The following WDFY4 variants were observed in gnomAD, a reference collection of about 807,000 sequenced individuals.
WDFY4 encodes WDFY family member 4, also known as WD repeat- and FYVE domain-containing protein 4.
WDFY4 carries 169 observed loss-of-function variants against 351.9 expected under a neutral mutation model. The ratio of observed to expected loss-of-function variants is 0.48; its 90% CI spans 0.42 to 0.55. The LOEUF (loss-of-function observed/expected upper bound fraction) is 0.55, where lower values mean the gene tolerates loss of function less well. WDFY4 is among the 20% of genes least tolerant of loss of function. The pLI, the probability that WDFY4 is intolerant of heterozygous loss-of-function variation, is 0.00. For synonymous variants in WDFY4, 1,622 were observed against 1,574.6 expected, an observed-to-expected ratio of 1.03 and a Z score of -0.71; for missense variants, 3,803 against 3,935.6, an observed-to-expected ratio of 0.97 and a Z score of 0.90.
At chr10:48,971,279 G>A (rs188236773) in intron 57 of WDFY4, among the ~76,000 whole-genome samples, 115 of 152,228 alleles carry the variant, frequency 7.6e-4, no homozygotes, top group African/African-American at 2.4e-3. Context: ...GGCGGATCAC[G>A]AGGTCAGGAG....
chr10:48,752,850 G>A (rs148395063), intron 12 of WDFY4, among the ~76,000 whole-genome samples: 2 of 152,256 alleles, frequency 1.3e-5, no homozygotes, highest in African/African-American at 4.8e-5. Flanking sequence ...TCATGTTCAT[G>A]TATTTATTTG....
At chr10:48,930,154 T>C (rs1564501252) in intron 47 of WDFY4, among the ~76,000 whole-genome samples, 1 of 152,192 alleles carries the variant, frequency 6.6e-6, no homozygotes, top group African/African-American at 2.4e-5. Flanking sequence ...TCAATCCTGA[T>C]TCCCATGCCC....
chr10:48,881,663 G>A (rs1317446270), intron 43 of WDFY4, among the ~76,000 whole-genome samples: 3 of 152,158 alleles, frequency 2.0e-5, no homozygotes, highest in Non-Finnish European at 2.9e-5. Context: ...AAAAATCCTC[G>A]AACCAGAGGA....
chr10:48,770,652 A>G (rs1440499177), intron 13 of WDFY4, among the ~76,000 whole-genome samples: 2 of 152,232 alleles, frequency 1.3e-5, no homozygotes, highest in African/African-American at 4.8e-5. Context: ...GCCTCAGAAA[A>G]AAGGCCTTGG....
rs1030087799 is a variant in WDFY4, at chr10:48,974,673, T to G, written c.8929-189T>G. ...CCTCCACCCCTGGAGATGAATGAAA[T>G]GGAGAGGCTAGTCATGGACACGCAC... On this transcript the variant is annotated intron_variant, in intron 57 of 61. Coordinates refer to ENST00000325239, the MANE Select transcript of WDFY4 (RefSeq NM_001394531.1). 2.6e-5 allele frequency among the ~76,000 whole-genome samples: 4 copies of G among 151,918 alleles called. No homozygotes were observed. In the East Asian group the frequency reaches 7.7e-4, roughly 29 times the overall value.
chr10:48,963,697 T>C (rs1466898751), intron 53 of WDFY4, 145 bp from the exon 54 acceptor site: 1 of 914,504 alleles, frequency 1.1e-6, no homozygotes. Flanking sequence ...CCTGCCTCTT[T>C]GTGCTCATCA....
chr10:48,795,510 T>TATATATATACATATATATATAC (rs1565207864), intron 23 of WDFY4, among the ~76,000 whole-genome samples: 4 of 101,454 alleles, frequency 3.9e-5, no homozygotes, highest in Non-Finnish European at 1.9e-5. Context: ...TATATATATA[T>TATATATATACATATATATATAC]ATATATATAT....
chr10:48,940,608 G>A (rs1237727090), intron 47 of WDFY4, among the ~76,000 whole-genome samples: 1 of 152,208 alleles, frequency 6.6e-6, no homozygotes, highest in Non-Finnish European at 1.5e-5. Context: ...GGGTCTGTAG[G>A]TACCTGAATA....
intron 43 of WDFY4, among the ~76,000 whole-genome samples, chr10:48,889,997 G>T (rs1428785426): frequency 1.3e-5 from 2 of 152,246 alleles, no homozygotes; most frequent in African/African-American, 2.4e-5. Context: ...CTGGAGAACT[G>T]CCAGCATTTC....
intron 12 of WDFY4, among the ~76,000 whole-genome samples, chr10:48,750,340 T>C (rs1414908648): frequency 1.3e-5 from 2 of 152,210 alleles, no homozygotes; most frequent in Admixed American, 1.3e-4. Flanking sequence ...GAGTCAGGCA[T>C]TGGGAGTGTG....
intron 24 of WDFY4, among the ~76,000 whole-genome samples, chr10:48,800,252 CCAGA>C (rs1419626338): frequency 1.3e-5 from 2 of 152,316 alleles, no homozygotes; most frequent in East Asian, 3.9e-4. Context: ...GCAGTAAAAA[CCAGA>C]CAGTTAAAAT....
At chr10:48,729,287 G>T (rs1239141430) in intron 7 of WDFY4, 145 bp from the exon 8 acceptor site, 4 of 1,189,162 alleles carry the variant, frequency 3.4e-6, no homozygotes, top group East Asian at 2.6e-5. Context: ...GCGCTCCCTT[G>T]CCTCTGAATT....
rs1564543751 is a variant in WDFY4 at position 48,974,980 on chromosome 10, A to C, written c.9047A>C (p.His3016Pro). The C allele has an allele frequency of 6.4e-7, 1 of 1,551,632 alleles. No homozygotes were observed. Among genetic ancestry groups the C allele is most frequent in the Admixed American group, 2.0e-5 (1 of 50,998 alleles). Reference sequence around the variant, plus strand: ...CTGTGGGATCTGGACCACCTCACCCACGTGACCCGCCTGCCCGCCCATCGG... The same window carrying C: ...CTGTGGGATCTGGACCACCTCACCCCCGTGACCCGCCTGCCCGCCCATCGG... Reference protein sequence around the residue: ...CILWDLDHLTHVTRLPAHREG... With the variant: ...CILWDLDHLTPVTRLPAHREG... The change falls in exon 58 of 62, where the codon CAC becomes CCC. Residue 3016 changes from histidine (H) to proline (P), a missense_variant. His to Pro is a moderately conservative substitution (Grantham distance 77). Around this residue, in one of 3 missense-constraint regions of WDFY4, gnomAD observed 3,054 missense variants for 3,148.6 expected, o/e 0.97. Coordinates refer to ENST00000325239, the MANE Select transcript of WDFY4 (RefSeq NM_001394531.1).
At chr10:48,850,315 T>C (rs2133169974) in intron 39 of WDFY4, among the ~76,000 whole-genome samples, 1 of 152,376 alleles carries the variant, frequency 6.6e-6, no homozygotes, top group Admixed American at 6.5e-5. Flanking sequence ...AAGGAAGTTT[T>C]GTCTCTTCTT....
intron 9 of WDFY4, 110 bp downstream of exon 9, chr10:48,731,672 G>C: frequency 8.0e-7 from 1 of 1,257,264 alleles, no homozygotes; most frequent in Non-Finnish European, 1.1e-6. Context: ...GCATGCCCAT[G>C]TCACTGGGAA....
In WDFY4 at chr10:48,760,376, A is replaced by T; in HGVS notation, c.2489A>T (p.His830Leu). Reference protein sequence around the residue: ...RMDEGDAAIMHPGVVCIMVRL... With the variant: ...RMDEGDAAIMLPGVVCIMVRL... ...GATGAGGGAGATGCTGCAATCATGC[A>T]TCCCGGGGTCGTGTGCATCATGGTG... is the stretch of plus-strand genomic sequence containing the variant. Residue 830 changes from histidine (H) to leucine (L), a missense_variant, in exon 13 of 62, where the codon CAT (histidine) becomes CTT (leucine). By Grantham distance (99) the His-to-Leu change is moderately conservative. Coordinates refer to ENST00000325239, the MANE Select transcript of WDFY4 (RefSeq NM_001394531.1). 1 of 1,551,688 alleles carries T rather than the reference A, an allele frequency of 6.4e-7. No homozygotes were observed.
At position 48,779,456 on chromosome 10, in the gene WDFY4, A is replaced by G. The variant is rs180990209; in HGVS notation, c.3398-485A>G. On this transcript the variant is annotated intron_variant, in intron 18 of 61. Coordinates refer to ENST00000325239, the MANE Select transcript of WDFY4 (RefSeq NM_001394531.1). ...TGTGTCCTGAGAGTGTCACTGTTTC[A>G]TAGGGAAAAACATTGGGAGGCCCTA... Among the ~76,000 whole-genome samples the G allele has an allele frequency of 5.9e-5, 9 of 152,324 alleles. No individual in the cohort carries two copies. The East Asian group carries it at 1.4e-3, about 23-fold the overall frequency.
chr10:48,975,639 C>T (rs1342907582), intron 58 of WDFY4, among the ~76,000 whole-genome samples: 1 of 152,120 alleles, frequency 6.6e-6, no homozygotes, highest in Non-Finnish European at 1.5e-5. Context: ...CCAATTTTTG[C>T]TGAAAGTGGT....
intron 52 of WDFY4, 103 bp downstream of exon 52, chr10:48,957,385 C>T (rs894704985): frequency 4.3e-6 from 6 of 1,401,760 alleles, no homozygotes; most frequent in Non-Finnish European, 5.8e-6. Flanking sequence ...GCTAGGCCCT[C>T]CCCAGGACCT....
Sources: allele counts gnomAD v4.1 joint callset (sites outside exome capture counted in the v4.1 genomes callset), GRCh38; gene constraint gnomAD v4.1.1; regional missense constraint gnomAD v4.1.1; transcripts MANE v1.5; gene names NCBI Gene and HGNC (gene_info 2026-07-23, HGNC 2026-07-21).